The following SLC2A9 variants were observed in gnomAD, a reference collection of about 807,000 sequenced individuals.
SLC2A9 encodes solute carrier family 2 member 9.
Under a neutral mutation model 50.6 loss-of-function variants are expected in SLC2A9, and 39 were observed. The observed-to-expected ratio is 0.77, with a 90% confidence interval of 0.60 to 1.01. The LOEUF (loss-of-function observed/expected upper bound fraction) is 1.01, where lower values mean the gene tolerates loss of function less well. Ranked by LOEUF, SLC2A9 falls within the 50% of genes least tolerant of loss-of-function variation. The pLI is 0.00. For synonymous variants in SLC2A9, 324 were observed against 276.9 expected (o/e 1.17, Z -1.69); for missense variants, 686 against 677.6 (o/e 1.01, Z -0.14).
At chr4:10,036,825 A>T (rs1165399290) in intron 1 of SLC2A9, among the ~76,000 whole-genome samples, 1 of 152,230 alleles carries the variant, frequency 6.6e-6, no homozygotes, top group Non-Finnish European at 1.5e-5. Flanking sequence ...ATGCTTTTAA[A>T]TCTCTTGATG....
intron 10 of SLC2A9, among the ~76,000 whole-genome samples, chr4:9,851,146 G>A (rs892158088): frequency 1.3e-5 from 2 of 152,214 alleles, no homozygotes; most frequent in African/African-American, 4.8e-5. Context: ...TCCCACTGCC[G>A]AAGTGCTTTG....
At chr4:10,032,011 C>G (rs1763954124) in intron 1 of SLC2A9, among the ~76,000 whole-genome samples, 1 of 152,218 alleles carries the variant, frequency 6.6e-6, no homozygotes, top group Non-Finnish European at 1.5e-5. Flanking sequence ...CATGCGTTCA[C>G]TTATTCATCC....
chr4:9,852,227 G>C (rs527348949), intron 10 of SLC2A9, among the ~76,000 whole-genome samples: 13 of 150,902 alleles, frequency 8.6e-5, no homozygotes, highest in African/African-American at 3.2e-4. Context: ...AGAAGATACT[G>C]GGGGCCTATA....
chr4:9,996,387 A>G (rs1396914597), intron 3 of SLC2A9, among the ~76,000 whole-genome samples: 2 of 152,104 alleles, frequency 1.3e-5, no homozygotes, highest in Non-Finnish European at 2.9e-5. Context: ...GCTCTGCTCT[A>G]TGCCCCGGGA....
At chr4:9,864,894 T>C (rs1387125692) in intron 10 of SLC2A9, among the ~76,000 whole-genome samples, 1 of 152,156 alleles carries the variant, frequency 6.6e-6, no homozygotes, top group Admixed American at 6.5e-5. Flanking sequence ...TTGATTATTC[T>C]GGTGCCTTGG....
At chr4:9,812,715 T>A (rs1306638861) in intron 3 of SLC2A9, among the ~76,000 whole-genome samples, 1 of 152,188 alleles carries the variant, frequency 6.6e-6, no homozygotes, top group Non-Finnish European at 1.5e-5. Context: ...GCTGGAGGTT[T>A]GGGCTTTCGA....
chr4:10,025,579 G>A (rs1763722873), upstream of SLC2A9: 1 of 305,486 alleles, frequency 3.3e-6, no homozygotes, highest in African/African-American at 2.2e-5. Context: ...GTGGGTTTTA[G>A]TGTATCTTTA....
intron 3 of SLC2A9, among the ~76,000 whole-genome samples, chr4:9,802,814 T>G (rs1481435500): frequency 6.6e-6 from 1 of 152,186 alleles, no homozygotes; most frequent in Non-Finnish European, 1.5e-5. Context: ...TCCACCTGCC[T>G]TGGCCTCCCA....
rs184614623 is a variant in SLC2A9, at chr4:10,035,992, A to G, written c.-41+4138T>C. ...CTGGTGCTGAAGCTTCTGGATTTGG[A>G]CTGAGCCGTGCTGCCAGAATCCCAG... On this transcript the variant is annotated intron_variant, in intron 1 of 12. Transcript: ENST00000309065. The G allele has an allele frequency of 1.9e-4, 35 of 188,858 alleles. No individual in the cohort carries two copies. The East Asian group carries it at 5.1e-3, about 28-fold the overall frequency. 11.7% of individuals were successfully genotyped at this position (188,858 alleles called of 1,614,324 possible). A position where few individuals can be genotyped will look rare whatever the true frequency, so the allele number is the denominator to read the frequency against.
intron 10 of SLC2A9, among the ~76,000 whole-genome samples, chr4:9,870,220 G>A (rs940141216): frequency 2.0e-5 from 3 of 152,244 alleles, no homozygotes; most frequent in African/African-American, 7.2e-5. Context: ...GCTGTCATTT[G>A]TGGAACTTTG....
chr4:9,953,976 A>T (rs893203024), intron 5 of SLC2A9, among the ~76,000 whole-genome samples: 2 of 151,850 alleles, frequency 1.3e-5, no homozygotes, highest in Non-Finnish European at 2.9e-5. Context: ...TGCCCGGCTG[A>T]TTTTGTATTT....
At chr4:9,885,628 G>A (rs143397499) in intron 10 of SLC2A9, among the ~76,000 whole-genome samples, 2 of 152,276 alleles carry the variant, frequency 1.3e-5, no homozygotes, top group Middle Eastern at 3.4e-3. Flanking sequence ...AAGTACTTGT[G>A]GAGCCTTACT....
chr4:9,908,344 A>T lies in SLC2A9; in HGVS notation c.1004T>A (p.Ile335Asn), dbSNP rs748838061. The T allele has an allele frequency of 2.1e-5, 34 of 1,593,124 alleles. No homozygotes were observed. In the South Asian group the frequency reaches 3.6e-4, roughly 17 times the overall value. Reference sequence around the variant, plus strand: ...AAAGATGCTGTTGGTATAGAACCAAATCTGTAATTCAGGAAAGAATGAGCA... The same window carrying T: ...AAAGATGCTGTTGGTATAGAACCAATTCTGTAATTCAGGAAAGAATGAGCA... ...ACYQLCGLNA[I>N]WFYTNSIFGK... The change falls in exon 8 of 12, where the codon ATT (isoleucine) becomes AAT (asparagine). Residue 335 changes from isoleucine (I) to asparagine (N), a missense_variant and splice_region_variant. Coordinates refer to ENST00000264784, the MANE Select transcript of SLC2A9 (RefSeq NM_020041.3).
intron 10 of SLC2A9, among the ~76,000 whole-genome samples, chr4:9,863,424 G>A (rs1489334529): frequency 6.6e-6 from 1 of 152,008 alleles, no homozygotes; most frequent in Non-Finnish European, 1.5e-5. Context: ...CGGAGCCACT[G>A]TGCCCAGCTA....
chr4:10,012,658 A>G (rs541264717), intron 2 of SLC2A9, among the ~76,000 whole-genome samples: 10 of 152,322 alleles, frequency 6.6e-5, no homozygotes, highest in African/African-American at 2.2e-4. Flanking sequence ...GAGCAGAGGC[A>G]AGAAGTAATC....
rs567351931 is a variant in SLC2A9 at position 9,900,103 on chromosome 4, A to G, written c.1113+8132T>C. Among the ~76,000 whole-genome samples, 3 of 152,340 alleles carry G rather than the reference A, an allele frequency of 2.0e-5. No individual in the cohort carries two copies. The South Asian group carries it at 6.2e-4, about 32-fold the overall frequency. On this transcript the variant is annotated intron_variant, in intron 8 of 11. Transcript: ENST00000264784. ...CAAGGAGCAGAGAAAGAGACACTGG[A>G]TGTCCAGATGACTTAGGAGTCAGGG... is the stretch of plus-strand genomic sequence containing the variant.
intron 2 of SLC2A9, among the ~76,000 whole-genome samples, chr4:10,005,023 C>G (rs550109852): frequency 6.6e-6 from 1 of 152,328 alleles, no homozygotes; most frequent in South Asian, 2.1e-4. Flanking sequence ...ATCTTTCTAT[C>G]TGACTTTACA....
intron 3 of SLC2A9, among the ~76,000 whole-genome samples, chr4:9,813,932 C>A (rs1229900833): frequency 1.3e-5 from 2 of 151,598 alleles, no homozygotes; most frequent in African/African-American, 4.9e-5. Flanking sequence ...CCCATCTCTA[C>A]TAAAAATACA....
chr4:10,040,023 C>G (rs16892493), intron 1 of SLC2A9: 1 of 152,702 alleles, frequency 6.5e-6, no homozygotes, highest in Admixed American at 6.5e-5. Flanking sequence ...GAGAGCTCCA[C>G]TTTGCCCACA....
Sources: gnomAD v4.1 joint callset for allele counts (sites outside exome capture counted in the v4.1 genomes callset) on GRCh38, gnomAD v4.1.1 for gene constraint, MANE v1.5 for transcripts, NCBI Gene and HGNC (gene_info 2026-07-23, HGNC 2026-07-21) for gene names.